The following FAXC variants were observed in gnomAD, a reference collection of about 807,000 sequenced individuals.
FAXC encodes failed axon connections homolog.
Under a neutral mutation model 41.9 loss-of-function variants are expected in FAXC, and 10 were observed. That is an observed-to-expected ratio of 0.24 (90% confidence interval 0.15 to 0.41). The LOEUF (loss-of-function observed/expected upper bound fraction) is 0.41, where lower values mean the gene tolerates loss of function less well. FAXC is among the 10% of genes least tolerant of loss of function. The pLI is 1.00. For synonymous variants in FAXC, 183 were observed against 183.8 expected (o/e 1.00, Z 0.03); for missense variants, 399 against 510.9 (o/e 0.78, Z 2.11).
In FAXC at chr6:99,279,176, G is replaced by A. The variant is rs1770734341; in HGVS notation, c.*1988C>T. On this transcript the variant is annotated 3_prime_UTR_variant, in exon 6 of 6. Transcript: ENST00000389677. ...GAGGCAAACAGTCCTCCCAAATGAT[G>A]CTGCAGCCTCAAACAGGCTTATCCA... 6.6e-6 allele frequency: 1 copy of A among 152,136 alleles called. No individual in the cohort carries two copies. The highest frequency in any genetic ancestry group is 2.4e-5 in the African/African-American group (1 of 41,418). 9.4% of individuals were successfully genotyped at this position (152,136 alleles called of 1,614,324 possible). A position where few individuals can be genotyped will look rare whatever the true frequency, so the allele number is the denominator to read the frequency against.
intron 2 of FAXC, among the ~76,000 whole-genome samples, chr6:99,338,816 A>G (rs952010188): frequency 3.3e-5 from 5 of 152,182 alleles, no homozygotes; most frequent in African/African-American, 1.2e-4. Context: ...TGTCTTAGCA[A>G]GTCCTAAGTA....
At position 99,277,735 on chromosome 6, in the gene FAXC, G is replaced by A. The variant is rs1770682835; in HGVS notation, c.*3429C>T. On this transcript the variant is annotated 3_prime_UTR_variant, in exon 6 of 6. Coordinates refer to ENST00000389677, the MANE Select transcript of FAXC (RefSeq NM_032511.4). ...CATTTTATAAGACAACAAAGCCACA[G>A]TGGTATAATGGAAAGAACCATCAAG... 1 of 152,188 alleles carries A rather than the reference G, an allele frequency of 6.6e-6. No individual in the cohort carries two copies. Among genetic ancestry groups the A allele is most frequent in the Non-Finnish European group, 1.5e-5 (1 of 68,034 alleles). 9.4% of individuals were successfully genotyped at this position (152,188 alleles called of 1,614,324 possible). A position where few individuals can be genotyped will look rare whatever the true frequency, so the allele number is the denominator to read the frequency against.
chr6:99,328,188 C>T (rs1562178592), intron 3 of FAXC, among the ~76,000 whole-genome samples: 1 of 152,152 alleles, frequency 6.6e-6, no homozygotes, highest in Non-Finnish European at 1.5e-5. Context: ...ATTACATGCA[C>T]CTCCCTGCTA....
At chr6:99,302,008 T>C (rs527890629) in intron 4 of FAXC, among the ~76,000 whole-genome samples, 10 of 152,360 alleles carry the variant, frequency 6.6e-5, no homozygotes, top group African/African-American at 2.2e-4. Flanking sequence ...AGAAACCAGA[T>C]AGCCTTAGCT....
rs545592953 is a variant in FAXC at position 99,327,014 on chromosome 6, A to G, written c.600-3347T>C. Reference sequence around the variant, plus strand: ...TCTCTACCTGCAGCAGGCTGAATGCAGGACACAGAAGACGAAACACTGGCT... The same window carrying G: ...TCTCTACCTGCAGCAGGCTGAATGCGGGACACAGAAGACGAAACACTGGCT... On this transcript the variant is annotated intron_variant, in intron 3 of 5. Transcript: ENST00000389677. Among the ~76,000 whole-genome samples the G allele has an allele frequency of 4.6e-5, 7 of 152,326 alleles. No individual in the cohort carries two copies. The South Asian group carries it at 1.5e-3, about 32-fold the overall frequency.
intron 3 of FAXC, among the ~76,000 whole-genome samples, chr6:99,324,163 T>TA (rs1772702868): frequency 6.6e-6 from 1 of 151,342 alleles, no homozygotes; most frequent in African/African-American, 2.4e-5. Context: ...GTATACTCTG[T>TA]ATATGCATTT....
chr6:99,341,746 AAGT>A (rs1164189346), intron 2 of FAXC, among the ~76,000 whole-genome samples: 3 of 152,210 alleles, frequency 2.0e-5, no homozygotes, highest in African/African-American at 7.2e-5. Context: ...GTGTTTAAGC[AAGT>A]AGATCTATAG....
Position 99,271,695 on chromosome 6 carries a change from T to A in FAXC, c.*9469A>T, listed in dbSNP as rs564196203. ...GATAAGAGATACTCAATCAGTATTA[T>A]CACTGAAATGGGAAATTAGGGGGTT... On this transcript the variant is annotated 3_prime_UTR_variant, in exon 6 of 6. Coordinates refer to ENST00000389677, the MANE Select transcript of FAXC (RefSeq NM_032511.4). The A allele has an allele frequency of 6.6e-6, 1 of 152,360 alleles. No individual in the cohort carries two copies. The highest frequency in any genetic ancestry group is 2.1e-4 in the South Asian group (1 of 4,824). 9.4% of individuals were successfully genotyped at this position (152,360 alleles called of 1,614,324 possible).
chr6:99,330,873 C>G (rs1200141490), intron 3 of FAXC, among the ~76,000 whole-genome samples: 1 of 152,198 alleles, frequency 6.6e-6, no homozygotes, highest in East Asian at 1.9e-4. Context: ...GGCCTTGGAA[C>G]CAGAAGAGCA....
chr6:99,297,122 A>G (rs1357046575), intron 4 of FAXC, among the ~76,000 whole-genome samples: 3 of 152,186 alleles, frequency 2.0e-5, no homozygotes, highest in Non-Finnish European at 4.4e-5. Context: ...AGTGAACTTG[A>G]TTAACCCAAG....
chr6:99,349,285 C>T lies in FAXC; in HGVS notation c.88G>A (p.Ala30Thr). Residue 30 changes from alanine (A) to threonine (T), a missense_variant, in exon 1 of 6, where the codon GCC becomes ACC. Ala to Thr is a moderately conservative substitution (Grantham distance 58, BLOSUM62 0). This residue lies in a region of FAXC where 68 missense variants were observed against 63.4 expected (regional missense o/e 1.07). Transcript: ENST00000389677. ...NQSISFFGWW[A>T]GSEEPFSFYG... ...AAGGAGAAGGGCTCCTCGGACCCGG[C>T]CCACCAGCCGAAGAAGGAGATGCTC... The T allele has an allele frequency of 6.2e-7, 1 of 1,613,478 alleles. No homozygotes were observed. Among genetic ancestry groups the T allele is most frequent in the Non-Finnish European group, 8.5e-7 (1 of 1,180,010 alleles).
chr6:99,310,793 G>A (rs1473950130), intron 4 of FAXC, among the ~76,000 whole-genome samples: 1 of 152,116 alleles, frequency 6.6e-6, no homozygotes, highest in Non-Finnish European at 1.5e-5. Context: ...CTTTTCCACT[G>A]CCTGGTTCTG....
rs762543031 is a variant in FAXC at position 99,333,334 on chromosome 6, C to G, written c.599+17G>C. On this transcript the variant is annotated intron_variant, in intron 3 of 5. Transcript: ENST00000389677. ...GGCTTACTTCGAAAGGACGGGGACA[C>G]CCCAGAGGGGACTCACCAGTAGAAG... The G allele has an allele frequency of 6.3e-7, 1 of 1,594,746 alleles. No individual in the cohort carries two copies. The highest frequency in any genetic ancestry group is 1.4e-5 in the African/African-American group (1 of 74,058).
chr6:99,287,407 T>C (rs1771067493), intron 5 of FAXC, among the ~76,000 whole-genome samples: 1 of 152,186 alleles, frequency 6.6e-6, no homozygotes, highest in African/African-American at 2.4e-5. Context: ...TTTCTAAATT[T>C]TCTTCAGGAA....
chr6:99,324,571 G>T (rs1427883551), intron 3 of FAXC, among the ~76,000 whole-genome samples: 1 of 152,142 alleles, frequency 6.6e-6, no homozygotes, highest in East Asian at 1.9e-4. Flanking sequence ...TGGTAAACTT[G>T]CTCATTCGGG....
intron 4 of FAXC, among the ~76,000 whole-genome samples, chr6:99,305,758 A>G (rs533723465): frequency 1.3e-5 from 2 of 150,792 alleles, no homozygotes; most frequent in Non-Finnish European, 3.0e-5. Flanking sequence ...TATATTATAC[A>G]TAAGGGTATA....
At chr6:99,303,825 T>C (rs1332052566) in intron 4 of FAXC, among the ~76,000 whole-genome samples, 1 of 152,196 alleles carries the variant, frequency 6.6e-6, no homozygotes, top group Non-Finnish European at 1.5e-5. Context: ...AGGCAAGTTA[T>C]CAAAACCTCT....
At chr6:99,286,683 T>G (rs1047745276) in intron 5 of FAXC, among the ~76,000 whole-genome samples, 2 of 152,210 alleles carry the variant, frequency 1.3e-5, no homozygotes, top group African/African-American at 4.8e-5. Context: ...CAATTTCACT[T>G]TTCTCAGCTT....
chr6:99,337,518 A>G (rs1411985062), intron 2 of FAXC, among the ~76,000 whole-genome samples: 1 of 152,200 alleles, frequency 6.6e-6, no homozygotes, highest in Non-Finnish European at 1.5e-5. Flanking sequence ...AGCTCGTAGG[A>G]TATCAGGTAA....
Sources: allele counts gnomAD v4.1 joint callset (sites outside exome capture counted in the v4.1 genomes callset), GRCh38; gene constraint gnomAD v4.1.1; regional missense constraint gnomAD v4.1.1; transcripts MANE v1.5; gene names NCBI Gene and HGNC (gene_info 2026-07-23, HGNC 2026-07-21).